TMEM17: variants seen among roughly 807,000 people sequenced by gnomAD.
TMEM17 encodes the protein transmembrane protein 17.
In TMEM17, 15 loss-of-function variants were observed where a neutral mutation model predicts 19.1. The observed-to-expected ratio is 0.78, with a 90% CI of 0.52 to 1.21. The LOEUF is 1.21. Ranked by LOEUF, TMEM17 falls within the 50% of genes most tolerant of loss-of-function variation. The pLI, the probability that TMEM17 is intolerant of heterozygous loss-of-function variation, is 0.00. For missense variants in TMEM17, 245 were observed against 242.3 expected (o/e 1.01, Z -0.07); for synonymous variants, 103 against 86.9 (o/e 1.19, Z -1.03).
the TMEM17 span, among the ~76,000 whole-genome samples, chr2:62,474,422 C>A: frequency 3.3e-5 from 5 of 152,192 alleles, no homozygotes; most frequent in Admixed American, 3.3e-4. Context: ...TCAACCCACG[C>A]TGAAGCTGCG....
chr2:62,463,094 G>A, the TMEM17 span: 125 of 152,402 alleles, frequency 8.2e-4, no homozygotes, highest in African/African-American at 3.0e-3. Context: ...TGGGACACCA[G>A]ACCTTGCCTG....
At chr2:62,463,990 C>G in the TMEM17 span, 1 of 152,096 alleles carries the variant, frequency 6.6e-6, no homozygotes, top group Non-Finnish European at 1.5e-5. Context: ...AGATGACCTA[C>G]CCCCCCATCC....
chr2:62,455,398 G>A, the TMEM17 span, among the ~76,000 whole-genome samples: 7 of 152,280 alleles, frequency 4.6e-5, no homozygotes, highest in South Asian at 1.4e-3. Flanking sequence ...TATGAATAAT[G>A]CAGCTATGAA....
chr2:62,456,769 C>G, the TMEM17 span, among the ~76,000 whole-genome samples: 4 of 152,218 alleles, frequency 2.6e-5, no homozygotes, highest in African/African-American at 9.6e-5. Flanking sequence ...GAGACCAGAG[C>G]CAGTCATGCT....
the TMEM17 span, among the ~76,000 whole-genome samples, chr2:62,477,524 C>T: frequency 6.6e-6 from 1 of 152,240 alleles, no homozygotes; most frequent in Non-Finnish European, 1.5e-5. Flanking sequence ...ACAGTCAGAG[C>T]TGTACATATG....
the TMEM17 span, among the ~76,000 whole-genome samples, chr2:62,485,846 A>G: frequency 6.6e-6 from 1 of 152,186 alleles, no homozygotes. Flanking sequence ...GTGCTCCTGA[A>G]CAGCCCCAAG....
downstream of TMEM17, among the ~76,000 whole-genome samples, chr2:62,498,446 G>T (rs1284707443): frequency 6.6e-6 from 1 of 150,562 alleles, no homozygotes; most frequent in Non-Finnish European, 1.5e-5. Context: ...GCCGGGCGCG[G>T]TGGCTCACGC....
the TMEM17 span, among the ~76,000 whole-genome samples, chr2:62,461,767 C>T: frequency 2.5e-4 from 38 of 152,196 alleles, 1 homozygote; most frequent in South Asian, 4.2e-4. Flanking sequence ...CTGAAAACCT[C>T]GGAAGCAGCC....
chr2:62,467,429 G>A, the TMEM17 span, among the ~76,000 whole-genome samples: 1 of 152,136 alleles, frequency 6.6e-6, no homozygotes. Context: ...AACATTCGAT[G>A]AACATGTGAA....
chr2:62,479,031 A>G, the TMEM17 span, among the ~76,000 whole-genome samples: 2 of 152,218 alleles, frequency 1.3e-5, no homozygotes, highest in Non-Finnish European at 2.9e-5. Context: ...GGTAATTAGC[A>G]TATGCGTCAT....
chr2:62,486,190 G>A, the TMEM17 span, among the ~76,000 whole-genome samples: 1 of 152,148 alleles, frequency 6.6e-6, no homozygotes, highest in Non-Finnish European at 1.5e-5. Flanking sequence ...CTGGGTGCCT[G>A]TAAATCTGCA....
chr2:62,464,200 A>G, the TMEM17 span: 7 of 152,350 alleles, frequency 4.6e-5, no homozygotes, highest in African/African-American at 1.7e-4. Flanking sequence ...CCATGCGACG[A>G]GGTAAAGGGC....
Position 62,506,130 on chromosome 2 carries a change from G to C in TMEM17, c.-1C>G, listed in dbSNP as rs371525526. On this transcript the variant is annotated 5_prime_UTR_variant, in exon 1 of 4. Transcript: ENST00000335390. ...GGCGCACCGGATCCGGCAGCTCCATGCCTGGGCCTCAGTATCCCTCACCCC... is the reference window on the plus strand; with the variant it reads ...GGCGCACCGGATCCGGCAGCTCCATCCCTGGGCCTCAGTATCCCTCACCCC... The C allele has an allele frequency of 4.5e-4, 717 of 1,606,964 alleles. 1 individual carries two copies. Among genetic ancestry groups the C allele is most frequent in the Non-Finnish European group, 4.8e-4 (570 of 1,177,134 alleles).
chr2:62,458,767 G>A, the TMEM17 span, among the ~76,000 whole-genome samples: 2 of 152,196 alleles, frequency 1.3e-5, no homozygotes, highest in African/African-American at 4.8e-5. Flanking sequence ...AGCAACTCAG[G>A]GCGAGGCAAT....
the TMEM17 span, among the ~76,000 whole-genome samples, chr2:62,471,221 C>T: frequency 6.6e-4 from 100 of 152,232 alleles, 1 homozygote; most frequent in Admixed American, 2.4e-3. Context: ...TGTCCTGGCC[C>T]GTCTTGGGAA....
the TMEM17 span, among the ~76,000 whole-genome samples, chr2:62,488,387 G>A: frequency 2.6e-5 from 4 of 151,680 alleles, no homozygotes; most frequent in South Asian, 8.3e-4. Context: ...AAAAACCATG[G>A]CCCTGATACT....
the TMEM17 span, among the ~76,000 whole-genome samples, chr2:62,483,603 T>G: frequency 2.0e-4 from 25 of 127,640 alleles, no homozygotes; most frequent in African/African-American, 7.4e-4. Flanking sequence ...GGATACATTT[T>G]TTTTTTTTTT....
the TMEM17 span, among the ~76,000 whole-genome samples, chr2:62,479,748 G>A: frequency 6.6e-6 from 1 of 152,088 alleles, no homozygotes; most frequent in Non-Finnish European, 1.5e-5. Context: ...TTAGCCATGT[G>A]TGGTGGCAAA....
At chr2:62,489,442 G>A in the TMEM17 span, among the ~76,000 whole-genome samples, 1 of 152,180 alleles carries the variant, frequency 6.6e-6, no homozygotes, top group Admixed American at 6.5e-5. Flanking sequence ...TCTTTAGTTA[G>A]GATCACATGT....
Sources: gnomAD v4.1 joint callset for allele counts (sites outside exome capture counted in the v4.1 genomes callset) on GRCh38, gnomAD v4.1.1 for gene constraint, MANE v1.5 for transcripts, NCBI Gene and HGNC (gene_info 2026-07-23, HGNC 2026-07-21) for gene names.